The following SPATA6 variants were observed in gnomAD, a reference collection of about 807,000 sequenced individuals.
SPATA6 encodes the protein spermatogenesis-associated protein 6.
In SPATA6, 56 loss-of-function variants were observed where a neutral mutation model predicts 65.3. The ratio of observed to expected loss-of-function variants is 0.86; its 90% CI spans 0.69 to 1.07. The LOEUF (loss-of-function observed/expected upper bound fraction) is 1.07. Ranked by LOEUF, SPATA6 falls within the 50% of genes least tolerant of loss-of-function variation. SPATA6 has a pLI of 0.00. For missense variants in SPATA6, 590 were observed against 594.8 expected (o/e 0.99, Z 0.08); for synonymous variants, 199 against 213.2 (o/e 0.93, Z 0.58).
chr1:48,337,500 AT>A (rs1299550706), intron 11 of SPATA6, among the ~76,000 whole-genome samples: 2 of 151,848 alleles, frequency 1.3e-5, no homozygotes, highest in African/African-American at 4.8e-5. Flanking sequence ...ATTTGATACT[AT>A]TTTAGAAACC....
the SPATA6 span, among the ~76,000 whole-genome samples, chr1:48,287,546 G>A: frequency 2.0e-5 from 3 of 152,220 alleles, no homozygotes; most frequent in Admixed American, 6.5e-5. Flanking sequence ...TGTGATAAGT[G>A]AGTTCTTTCT....
chr1:48,333,463 T>C (rs558246817), intron 11 of SPATA6, among the ~76,000 whole-genome samples: 4 of 152,178 alleles, frequency 2.6e-5, no homozygotes, highest in African/African-American at 9.7e-5. Context: ...CAGTCTATCA[T>C]GAGACACCTT....
intron 12 of SPATA6, among the ~76,000 whole-genome samples, chr1:48,303,408 C>A (rs1321314103): frequency 6.6e-6 from 1 of 152,046 alleles, no homozygotes; most frequent in East Asian, 1.9e-4. Context: ...CATTAACCAA[C>A]CTCTCTTCAC....
At chr1:48,280,949 A>G in the SPATA6 span, among the ~76,000 whole-genome samples, 7 of 152,158 alleles carry the variant, frequency 4.6e-5, no homozygotes, top group African/African-American at 1.4e-4. Flanking sequence ...ATACTGGCAA[A>G]CCGAATCCAG....
chr1:48,456,422 C>T, intron 1 of SPATA6, among the ~76,000 whole-genome samples: 1 of 151,974 alleles, frequency 6.6e-6, no homozygotes, highest in East Asian at 1.9e-4. Flanking sequence ...TTACACAGTC[C>T]CACATAATTT....
intron 9 of SPATA6, among the ~76,000 whole-genome samples, chr1:48,384,412 G>C (rs1006547121): frequency 2.4e-4 from 21 of 86,078 alleles, no homozygotes; most frequent in Admixed American, 6.9e-4. Flanking sequence ...GAGAGGGAGA[G>C]GGAGAGGGAG....
rs1016209209 is a variant in SPATA6 at position 48,399,563 on chromosome 1, T to G, written c.568A>C (p.Lys190Gln). ...QNRTSRSQKK[K>Q]SKSPERSKYC... is the part of the protein sequence containing the mutation. ...TTACTTCTCTCAGGTGACTTGGATT[T>G]TTTCTTTTGTGATCTTGATGTTCTG... is the stretch of plus-strand genomic sequence containing the variant. The change falls in exon 7 of 13, where the codon AAA becomes CAA. Residue 190 changes from lysine (K) to glutamine (Q), a missense_variant. Lys to Gln is a moderately conservative substitution (Grantham distance 53). Transcript: ENST00000371847. 1.2e-6 allele frequency: 2 copies of G among 1,612,854 alleles called. No individual in the cohort carries two copies.
intron 11 of SPATA6, among the ~76,000 whole-genome samples, chr1:48,320,211 C>G (rs1418104): frequency 0.14 from 21,838 of 152,166 alleles, 1,774 homozygotes; most frequent in African/African-American, 0.21. Context: ...GGGATAATAA[C>G]AGAGAACTTC....
At chr1:48,370,883 G>A (rs890079890) in intron 9 of SPATA6, among the ~76,000 whole-genome samples, 27 of 152,132 alleles carry the variant, frequency 1.8e-4, no homozygotes, top group African/African-American at 5.8e-4. Flanking sequence ...ATGGGCTCAC[G>A]ATATGATTTA....
chr1:48,288,792 TG>T, the SPATA6 span, among the ~76,000 whole-genome samples: 1 of 152,084 alleles, frequency 6.6e-6, no homozygotes, highest in Non-Finnish European at 1.5e-5. Flanking sequence ...GCAGCAAGGC[TG>T]GGGGAGGGGC....
At chr1:48,347,626 C>T (rs1646407426) in intron 11 of SPATA6, among the ~76,000 whole-genome samples, 1 of 150,974 alleles carries the variant, frequency 6.6e-6, no homozygotes, top group Non-Finnish European at 1.5e-5. Flanking sequence ...AAACAATAAC[C>T]CATAATTGCT....
intron 3 of SPATA6, among the ~76,000 whole-genome samples, chr1:48,414,429 A>G (rs1652567384): frequency 6.6e-6 from 1 of 152,204 alleles, no homozygotes; most frequent in South Asian, 2.1e-4. Flanking sequence ...GAAAGAAAAT[A>G]CTTAACTCCA....
At chr1:48,285,122 C>T in the SPATA6 span, among the ~76,000 whole-genome samples, 2 of 152,122 alleles carry the variant, frequency 1.3e-5, no homozygotes, top group African/African-American at 4.8e-5. Flanking sequence ...TCAGAGATGC[C>T]ATGCCAAGAG....
rs940150206 is a variant in SPATA6, at chr1:48,469,834, T to C, written c.51+2124A>G. On this transcript the variant is annotated intron_variant, in intron 1 of 12. Transcript: ENST00000371847. Reference sequence around the variant, plus strand: ...TGGGGGGGGCGGTCAGGGGCGTTGTTTGTTTGCTCCTTCTGAGCATCAGAG... The same window carrying C: ...TGGGGGGGGCGGTCAGGGGCGTTGTCTGTTTGCTCCTTCTGAGCATCAGAG... 2.0e-5 allele frequency among the ~76,000 whole-genome samples: 3 copies of C among 152,080 alleles called. No individual in the cohort carries two copies. In the South Asian group the frequency reaches 6.2e-4, roughly 32 times the overall value.
At chr1:48,470,919 C>T (rs897190604) in intron 1 of SPATA6, among the ~76,000 whole-genome samples, 1 of 152,022 alleles carries the variant, frequency 6.6e-6, no homozygotes, top group African/African-American at 2.4e-5. Context: ...GCGAAGAGAC[C>T]GAATGGTGAA....
chr1:48,367,433 G>C (rs1320692827), intron 9 of SPATA6, among the ~76,000 whole-genome samples: 1 of 152,184 alleles, frequency 6.6e-6, no homozygotes, highest in Non-Finnish European at 1.5e-5. Flanking sequence ...GGGAGTCTAA[G>C]TCTCTTTGTA....
downstream of SPATA6, chr1:48,295,284 T>C (rs191208012): frequency 5.3e-5 from 8 of 152,284 alleles, no homozygotes; most frequent in Admixed American, 6.5e-5. Context: ...AAAAAACTTG[T>C]ATACAAGTGT....
intron 11 of SPATA6, among the ~76,000 whole-genome samples, chr1:48,317,582 A>G (rs1465634179): frequency 1.3e-5 from 2 of 152,134 alleles, no homozygotes; most frequent in African/African-American, 4.8e-5. Flanking sequence ...ATGTTAAATG[A>G]TGAGTTAATG....
chr1:48,281,184 C>G, the SPATA6 span, among the ~76,000 whole-genome samples: 5 of 152,122 alleles, frequency 3.3e-5, no homozygotes, highest in African/African-American at 9.6e-5. Context: ...GGATGTATCT[C>G]AAAATAATAA....
Sources: allele counts gnomAD v4.1 joint callset (sites outside exome capture counted in the v4.1 genomes callset), GRCh38; gene constraint gnomAD v4.1.1; transcripts MANE v1.5; gene names NCBI Gene and HGNC (gene_info 2026-07-23, HGNC 2026-07-21).